MARS1: variants seen among roughly 807,000 people sequenced by gnomAD.
MARS1 encodes methionine--tRNA ligase, cytoplasmic.
Under a neutral mutation model 119.5 loss-of-function variants are expected in MARS1, and 80 were observed. That is an observed-to-expected ratio of 0.67 (90% confidence interval 0.56 to 0.81). MARS1 has a LOEUF of 0.81. Among genes scored for constraint, MARS1 ranks in the 30% least tolerant of loss-of-function variants. MARS1 has a pLI of 0.00. For synonymous variants in MARS1, 418 were observed against 433.4 expected, an observed-to-expected ratio of 0.96 and a Z score of 0.44; for missense variants, 945 against 1,116.5, an observed-to-expected ratio of 0.85 and a Z score of 2.19.
intron 10 of MARS1, among the ~76,000 whole-genome samples, chr12:57,501,385 A>G (rs1754431985): frequency 6.6e-6 from 1 of 152,240 alleles, no homozygotes; most frequent in South Asian, 2.1e-4. Flanking sequence ...GAAGCAAGAA[A>G]TAAAGTATGT....
Position 57,516,266 on chromosome 12 carries a change from G to A in MARS1, c.2485G>A (p.Ala829Thr). The A allele has an allele frequency of 6.2e-7, 1 of 1,614,198 alleles. No individual in the cohort carries two copies. The highest frequency in any genetic ancestry group is 1.3e-5 in the African/African-American group (1 of 75,048). Residue 829 changes from alanine (A) to threonine (T), a missense_variant, in exon 20 of 21, where the codon GCA (alanine) becomes ACA (threonine). By Grantham distance (58) the Ala-to-Thr change is moderately conservative. Coordinates refer to ENST00000262027, the MANE Select transcript of MARS1 (RefSeq NM_004990.4). Reference sequence around the variant, plus strand: ...CCAGGCAAAAACGTCCCCGAAGCCAGCAGTTGTAGAGACTGTTACAACAGC... The same window carrying A: ...CCAGGCAAAAACGTCCCCGAAGCCAACAGTTGTAGAGACTGTTACAACAGC... The part of the protein sequence containing the change: ...GGQAKTSPKP[A>T]VVETVTTAKP...
chr12:57,495,334 G>A (rs1322444595), intron 7 of MARS1, among the ~76,000 whole-genome samples: 5 of 150,296 alleles, frequency 3.3e-5, no homozygotes, highest in East Asian at 2.0e-4. Flanking sequence ...GGTGGCGGTC[G>A]GGCAGAGACA....
At position 57,516,316 on chromosome 12, in the gene MARS1, G is replaced by C. The variant is rs771553526; in HGVS notation, c.2535G>C (p.Leu845=). The change falls in exon 20 of 21, where the codon CTG becomes CTC. Residue 845 remains leucine (L), a synonymous_variant. Coordinates refer to ENST00000262027, the MANE Select transcript of MARS1 (RefSeq NM_004990.4). ...TTAKPQQIQA[L]MDEVTKQGNI... ...CCAAGCCACAGCAGATACAAGCGCT[G>C]ATGGATGAAGTGACAAAACAAGTAT... 5.6e-6 allele frequency: 9 copies of C among 1,614,072 alleles called. No individual in the cohort carries two copies. The South Asian group carries it at 9.9e-5, about 18-fold the overall frequency.
chr12:57,514,054 A>AT (rs1268022609), intron 15 of MARS1, among the ~76,000 whole-genome samples: 1 of 145,990 alleles, frequency 6.8e-6, no homozygotes, highest in African/African-American at 2.5e-5. Context: ...CAGAGTGAGA[A>AT]TCCTCAAAAA....
intron 1 of MARS1, chr12:57,488,756 G>A (rs1024671979): frequency 2.5e-6 from 3 of 1,182,304 alleles, no homozygotes; most frequent in South Asian, 1.3e-5. Flanking sequence ...TAAGTTCTTG[G>A]CTGCAGCACT....
intron 7 of MARS1, among the ~76,000 whole-genome samples, chr12:57,495,718 A>T (rs1414857551): frequency 6.6e-6 from 1 of 152,220 alleles, no homozygotes; most frequent in African/African-American, 2.4e-5. Flanking sequence ...AACATTGAGC[A>T]CTGAGTGAGC....
chr12:57,511,811 C>T lies in MARS1; in HGVS notation c.1482C>T (p.Cys494=). Residue 494 remains cysteine (C), a synonymous_variant, in exon 12 of 21, where the codon TGC becomes TGT. Transcript: ENST00000262027. ...SWLRDGLKPR[C]ITRDLKWGTP... is the part of the protein sequence containing the mutation. ...TTCGGGATGGCCTCAAGCCACGCTG[C>T]ATAACCCGAGACCTCAAATGGGGAA... The T allele has an allele frequency of 6.2e-7, 1 of 1,614,208 alleles. No individual in the cohort carries two copies. Among genetic ancestry groups the T allele is most frequent in the Non-Finnish European group, 8.5e-7 (1 of 1,180,030 alleles).
chr12:57,509,308 A>G (rs1209115012), intron 11 of MARS1, among the ~76,000 whole-genome samples: 2 of 152,214 alleles, frequency 1.3e-5, no homozygotes, highest in African/African-American at 2.4e-5. Flanking sequence ...AGTAGGGAAC[A>G]GTATTAGATA....
intron 7 of MARS1, among the ~76,000 whole-genome samples, chr12:57,493,297 T>C (rs939681605): frequency 1.8e-5 from 2 of 111,340 alleles, no homozygotes; most frequent in African/African-American, 7.1e-5. Context: ...TTTGAGTATA[T>C]ATATATAATA....
intron 10 of MARS1, among the ~76,000 whole-genome samples, chr12:57,502,607 G>A (rs991755646): frequency 4.0e-5 from 6 of 151,158 alleles, no homozygotes; most frequent in Non-Finnish European, 7.4e-5. Flanking sequence ...CAGGGAGGCT[G>A]AGGCAGGATA....
intron 10 of MARS1, 29 bp from the exon 11 acceptor site, chr12:57,504,196 G>A: frequency 6.3e-7 from 1 of 1,577,332 alleles, no homozygotes; most frequent in Non-Finnish European, 8.7e-7. Context: ...CTGCAGGCCT[G>A]ATCTGTCCTC....
intron 10 of MARS1, among the ~76,000 whole-genome samples, chr12:57,502,007 A>G (rs1054416546): frequency 6.6e-6 from 1 of 152,114 alleles, no homozygotes; most frequent in Non-Finnish European, 1.5e-5. Context: ...ACCAAAAAAA[A>G]AAGTATGGAG....
At position 57,512,980 on chromosome 12, in the gene MARS1, G is replaced by C. The variant is rs762439873; in HGVS notation, c.1967+16G>C. The C allele has an allele frequency of 2.5e-6, 4 of 1,611,012 alleles. No homozygotes were observed. ...TCATCAACAGGTAGGACTTGGTAAG[G>C]GGTCAGAGTTAGCAGTGAGCTGGGG... On this transcript the variant is annotated intron_variant, in intron 15 of 20. Coordinates refer to ENST00000262027, the MANE Select transcript of MARS1 (RefSeq NM_004990.4).
intron 14 of MARS1, 49 bp downstream of exon 14, chr12:57,512,402 G>A: frequency 1.5e-6 from 2 of 1,308,908 alleles, no homozygotes; most frequent in Non-Finnish European, 2.2e-6. Flanking sequence ...GAAATGAGGG[G>A]TGAGGCAGTA....
Position 57,515,067 on chromosome 12 carries a change from G to A in MARS1, c.2204+9G>A, listed in dbSNP as rs528310242. 5.6e-6 allele frequency: 9 copies of A among 1,614,196 alleles called. No individual in the cohort carries two copies. In the African/African-American group the frequency reaches 1.1e-4, roughly 19 times the overall value. ...GGCAGTGAGGCTGACAGGTAGGTAA[G>A]CGGGGAGGGTTGGCTAAAGGCATAA... On this transcript the variant is annotated intron_variant, in intron 17 of 20. Transcript: ENST00000262027.
intron 11 of MARS1, among the ~76,000 whole-genome samples, chr12:57,510,156 C>CTA (rs1489709773): frequency 6.6e-6 from 1 of 151,968 alleles, no homozygotes; most frequent in Non-Finnish European, 1.5e-5. Context: ...GGACTACAGG[C>CTA]GTGTACTATC....
At chr12:57,498,741 C>T in intron 9 of MARS1, 118 bp downstream of exon 9, 1 of 875,012 alleles carries the variant, frequency 1.1e-6, no homozygotes, top group South Asian at 1.4e-5. Context: ...AACTTAGGAT[C>T]TCAATATCAC....
In MARS1 at chr12:57,515,164, C is replaced by T; in HGVS notation, c.2219C>T (p.Thr740Ile). 2 of 1,614,204 alleles carry T rather than the reference C, an allele frequency of 1.2e-6. No homozygotes were observed. The highest frequency in any genetic ancestry group is 1.6e-4 in the Middle Eastern group (1 of 6,062). Residue 740 changes from threonine (T) to isoleucine (I), a missense_variant, in exon 18 of 21, where the codon ACA (threonine) becomes ATA (isoleucine). Coordinates refer to ENST00000262027, the MANE Select transcript of MARS1 (RefSeq NM_004990.4). ...GSEADRQRAG[T>I]VTGLAVNIAA... ...CTCTTCCTCAGGCAACGGGCAGGAA[C>T]AGTGACTGGCTTGGCAGTGAATATA...
chr12:57,488,222 G>A (rs1372616713), intron 1 of MARS1, 23 bp downstream of exon 1: 13 of 1,597,190 alleles, frequency 8.1e-6, no homozygotes, highest in Non-Finnish European at 1.0e-5. Flanking sequence ...GTGCTGGTGG[G>A]CGGTGGATGG....
Sources: allele counts gnomAD v4.1 joint callset (sites outside exome capture counted in the v4.1 genomes callset), GRCh38; gene constraint gnomAD v4.1.1; transcripts MANE v1.5; gene names NCBI Gene and HGNC (gene_info 2026-07-23, HGNC 2026-07-21).